The following RABGAP1L variants were observed in gnomAD, a reference collection of about 807,000 sequenced individuals.
The protein encoded by RABGAP1L is RAB GTPase activating protein 1 like.
Under a neutral mutation model 137.7 loss-of-function variants are expected in RABGAP1L, and 63 were observed. The ratio of observed to expected loss-of-function variants is 0.46; its 90% CI spans 0.37 to 0.56. The LOEUF (loss-of-function observed/expected upper bound fraction) is 0.56. RABGAP1L is among the 20% of genes least tolerant of loss of function. RABGAP1L has a pLI of 0.00. For missense variants in RABGAP1L, 1,095 were observed against 1,244.0 expected, an observed-to-expected ratio of 0.88 and a Z score of 1.80; for synonymous variants, 431 against 433.7, an observed-to-expected ratio of 0.99 and a Z score of 0.08.
At chr1:174,906,539 A>G (rs1659118688) in intron 19 of RABGAP1L, among the ~76,000 whole-genome samples, 1 of 152,022 alleles carries the variant, frequency 6.6e-6, no homozygotes, top group Non-Finnish European at 1.5e-5. Context: ...GAGGCAGGAA[A>G]ATTGCTGGAA....
chr1:174,589,971 G>A (rs1042376892), intron 13 of RABGAP1L, among the ~76,000 whole-genome samples: 1 of 151,990 alleles, frequency 6.6e-6, no homozygotes, highest in Non-Finnish European at 1.5e-5. Context: ...CAAAATTTAC[G>A]ATTATTTATT....
At chr1:174,462,994 T>C (rs1488431580) in intron 13 of RABGAP1L, among the ~76,000 whole-genome samples, 2 of 152,078 alleles carry the variant, frequency 1.3e-5, no homozygotes, top group Admixed American at 6.5e-5. Context: ...ATGGCAATCA[T>C]TAAAAAGTCA....
chr1:174,558,340 T>C (rs1667009625), intron 13 of RABGAP1L, among the ~76,000 whole-genome samples: 1 of 152,238 alleles, frequency 6.6e-6, no homozygotes. Flanking sequence ...TGTGCTGTTT[T>C]ATAGCTTTAC....
chr1:174,649,348 C>T (rs1265643417), intron 14 of RABGAP1L, among the ~76,000 whole-genome samples: 1 of 151,956 alleles, frequency 6.6e-6, no homozygotes, highest in African/African-American at 2.4e-5. Flanking sequence ...CCAGTTTTTC[C>T]TCTCCATATT....
chr1:174,402,487 G>A (rs1648720979), intron 13 of RABGAP1L, among the ~76,000 whole-genome samples: 1 of 152,132 alleles, frequency 6.6e-6, no homozygotes, highest in Non-Finnish European at 1.5e-5. Context: ...TAAGAAAGAA[G>A]TTCTAAAGCG....
chr1:174,196,575 CTTTTT>C (rs746727810), intron 1 of RABGAP1L, among the ~76,000 whole-genome samples: 1 of 140,566 alleles, frequency 7.1e-6, no homozygotes, highest in Non-Finnish European at 1.6e-5. Flanking sequence ...AATCTTTTTT[CTTTTT>C]TTTTTTTTTC....
chr1:174,780,104 AAATAAATAAATAAATT>A (rs1269613066), intron 18 of RABGAP1L, among the ~76,000 whole-genome samples: 6 of 75,388 alleles, frequency 8.0e-5, no homozygotes, highest in Admixed American at 3.2e-4. Context: ...ATAAATAAAT[AAATAAATAAATAAATT>A]AAATAAGCCC....
intron 13 of RABGAP1L, among the ~76,000 whole-genome samples, chr1:174,520,250 A>G (rs1663247110): frequency 6.6e-6 from 1 of 152,228 alleles, no homozygotes; most frequent in African/African-American, 2.4e-5. Context: ...ATAGATTGCA[A>G]AGCAATTCCA....
chr1:174,341,835 C>A (rs1415169349), intron 11 of RABGAP1L, among the ~76,000 whole-genome samples: 2 of 152,020 alleles, frequency 1.3e-5, no homozygotes, highest in African/African-American at 4.8e-5. Flanking sequence ...GCAAAGTAGT[C>A]GTATTCTGAA....
At chr1:174,490,617 T>G (rs1047804542) in intron 13 of RABGAP1L, among the ~76,000 whole-genome samples, 5 of 152,130 alleles carry the variant, frequency 3.3e-5, no homozygotes, top group Non-Finnish European at 7.3e-5. Flanking sequence ...GGCTCTACAA[T>G]CAGCAGGTAG....
chr1:174,763,314 G>C (rs1290177940), intron 18 of RABGAP1L, among the ~76,000 whole-genome samples: 1 of 151,062 alleles, frequency 6.6e-6, no homozygotes, highest in Admixed American at 6.6e-5. Flanking sequence ...TCAGGAGATC[G>C]AGACCATCCT....
At chr1:174,949,790 A>G (rs1202763269) in intron 19 of RABGAP1L, among the ~76,000 whole-genome samples, 2 of 152,232 alleles carry the variant, frequency 1.3e-5, no homozygotes, top group Non-Finnish European at 2.9e-5. Flanking sequence ...CAAAAATATT[A>G]TACAAGATTA....
chr1:174,889,145 A>G (rs1162562121), intron 19 of RABGAP1L, among the ~76,000 whole-genome samples: 1 of 141,440 alleles, frequency 7.1e-6, no homozygotes, highest in Non-Finnish European at 1.5e-5. Context: ...TTTTTTTGAG[A>G]TGGAGTCTCG....
rs982230778 is a variant in RABGAP1L at position 174,218,670 on chromosome 1, G to A, written c.-33-455G>A. On this transcript the variant is annotated intron_variant, in intron 1 of 25. Coordinates refer to ENST00000681986, the MANE Select transcript of RABGAP1L (RefSeq NM_001366446.1). ...AAAAATATTTGCAGGTACAATATTC[G>A]GTCTTGAGGAGATAAGTTTTTTTTT... is the stretch of plus-strand genomic sequence containing the variant. Among the ~76,000 whole-genome samples, 33 of 152,116 alleles carry A rather than the reference G, an allele frequency of 2.2e-4. 1 individual carries two copies. Among genetic ancestry groups the A allele is most frequent in the African/African-American group, 7.7e-4 (32 of 41,508 alleles).
chr1:174,743,687 T>G (rs1683638345), intron 17 of RABGAP1L, among the ~76,000 whole-genome samples: 1 of 152,096 alleles, frequency 6.6e-6, no homozygotes, highest in Admixed American at 6.5e-5. Flanking sequence ...AAACTATGTT[T>G]TTTTAAAAAA....
At chr1:174,214,085 G>A (rs1454157832) in intron 1 of RABGAP1L, among the ~76,000 whole-genome samples, 1 of 152,042 alleles carries the variant, frequency 6.6e-6, no homozygotes, top group African/African-American at 2.4e-5. Flanking sequence ...TCTTATATTT[G>A]GAAAAACCTA....
intron 1 of RABGAP1L, among the ~76,000 whole-genome samples, chr1:174,209,987 C>G (rs1020169483): frequency 6.6e-6 from 1 of 152,208 alleles, no homozygotes; most frequent in African/African-American, 2.4e-5. Flanking sequence ...AGATCTCTTA[C>G]GCAAGACCGT....
At chr1:174,940,633 T>G (rs368379491) in intron 19 of RABGAP1L, among the ~76,000 whole-genome samples, 147 of 152,260 alleles carry the variant, frequency 9.7e-4, no homozygotes, top group African/African-American at 3.2e-3. Context: ...ATTTCCAGAT[T>G]CATATTTGTA....
chr1:174,482,461 G>A lies in RABGAP1L; in HGVS notation c.1710+88316G>A, dbSNP rs571192442. On this transcript the variant is annotated intron_variant, in intron 13 of 25. Transcript: ENST00000681986. ...ATATAGTTATCCCAGTGAAGAAGGA[G>A]CCCAGATAAGATATATTGATTTATT... Among the ~76,000 whole-genome samples the A allele has an allele frequency of 3.9e-5, 6 of 152,202 alleles. No homozygotes were observed. The East Asian group carries it at 1.2e-3, about 29-fold the overall frequency.
Sources: gnomAD v4.1 joint callset for allele counts (sites outside exome capture counted in the v4.1 genomes callset) on GRCh38, gnomAD v4.1.1 for gene constraint, MANE v1.5 for transcripts, NCBI Gene and HGNC (gene_info 2026-07-23, HGNC 2026-07-21) for gene names.